TMEM126A: variants seen among roughly 807,000 people sequenced by gnomAD.
The protein encoded by TMEM126A is transmembrane protein 126A, also known as optic atrophy 7.
TMEM126A carries 10 observed loss-of-function variants against 18.3 expected under a neutral mutation model. The ratio of observed to expected loss-of-function variants is 0.55; its 90% CI spans 0.34 to 0.93. The LOEUF (loss-of-function observed/expected upper bound fraction) is 0.93. TMEM126A is among the 40% of genes least tolerant of loss of function. The probability of loss-of-function intolerance (pLI) is 0.02; values close to 1 mark genes in which losing one functional copy is unlikely to be tolerated. For missense variants in TMEM126A, 246 were observed against 230.2 expected (o/e 1.07, Z -0.44); for synonymous variants, 68 against 78.1 (o/e 0.87, Z 0.68).
intron 1 of TMEM126A, among the ~76,000 whole-genome samples, chr11:85,648,994 G>C (rs904887307): frequency 2.4e-4 from 36 of 150,406 alleles, no homozygotes; most frequent in African/African-American, 7.9e-4. Flanking sequence ...GAGTGCAGTG[G>C]CGAGATCTCG....
At chr11:85,649,255 C>T (rs1206164585) in intron 1 of TMEM126A, among the ~76,000 whole-genome samples, 1 of 152,046 alleles carries the variant, frequency 6.6e-6, no homozygotes, top group Admixed American at 6.5e-5. Flanking sequence ...TTAACTGTTA[C>T]CCTGAAACCT....
intron 2 of TMEM126A, among the ~76,000 whole-genome samples, chr11:85,653,201 G>C (rs2082514202): frequency 6.6e-6 from 1 of 152,122 alleles, no homozygotes; most frequent in Non-Finnish European, 1.5e-5. Flanking sequence ...CATACAGTGG[G>C]GTTCTCAATG....
intron 3 of TMEM126A, among the ~76,000 whole-genome samples, chr11:85,654,463 T>C (rs2082523275): frequency 6.6e-6 from 1 of 152,204 alleles, no homozygotes; most frequent in Non-Finnish European, 1.5e-5. Flanking sequence ...TACTTTTTCT[T>C]TAATTGAGAT....
In TMEM126A at chr11:85,650,294, A is replaced by C; in HGVS notation, c.39A>C (p.Thr13=). 6.2e-7 allele frequency: 1 copy of C among 1,608,808 alleles called. No homozygotes were observed. Among genetic ancestry groups the C allele is most frequent in the South Asian group, 1.1e-5 (1 of 90,546 alleles). The change falls in exon 2 of 5, where the codon ACA becomes ACC. Residue 13 remains threonine (T), a synonymous_variant. Coordinates refer to ENST00000304511, the MANE Select transcript of TMEM126A (RefSeq NM_032273.4). The part of the protein sequence containing the change: ...NHKSNNKENI[T]IVDISRKINQ... ...AATCCAATAATAAGGAAAACATAAC[A>C]ATTGTTGATATATCCAGAAAAATTA...
rs749609931 is a variant in TMEM126A, at chr11:85,650,239, GTTTT to G, written c.-7-7_-7-4del. 6.6e-7 allele frequency: 1 copy of G among 1,525,732 alleles called. No homozygotes were observed. Among genetic ancestry groups the G allele is most frequent in the Admixed American group, 1.7e-5 (1 of 58,420 alleles). 94.5% of individuals were successfully genotyped at this position (1,525,732 alleles called of 1,614,324 possible). ...AATTCTTGAGAAATGATATCTTCAT[GTTTT>G]TTAAGGCTCAAAATGGAAAATCATA... is the stretch of plus-strand genomic sequence containing the variant. On this transcript the variant is annotated splice_polypyrimidine_tract_variant and splice_region_variant and intron_variant, in intron 1 of 4. Coordinates refer to ENST00000304511, the MANE Select transcript of TMEM126A (RefSeq NM_032273.4).
Position 85,654,083 on chromosome 11 carries a change from C to T in TMEM126A, c.107C>T (p.Ser36Leu), listed in dbSNP as rs984312982. ...EAERNLLENG[S>L]VYVGLNAALC... ...TTCAGGAATCTACTTGAAAATGGAT[C>T]GGTTTATGTTGGATTAAATGCTGCT... The change falls in exon 3 of 5, where the codon TCG (serine) becomes TTG (leucine). Residue 36 changes from serine (S) to leucine (L), a missense_variant. Ser to Leu is a moderately radical substitution (Grantham distance 145). Coordinates refer to ENST00000304511, the MANE Select transcript of TMEM126A (RefSeq NM_032273.4). 7 of 1,614,010 alleles carry T rather than the reference C, an allele frequency of 4.3e-6. No homozygotes were observed. The highest frequency in any genetic ancestry group is 4.5e-5 in the East Asian group (2 of 44,890).
intron 2 of TMEM126A, among the ~76,000 whole-genome samples, chr11:85,650,818 C>T (rs2082493595): frequency 6.6e-6 from 1 of 151,936 alleles, no homozygotes; most frequent in Non-Finnish European, 1.5e-5. Flanking sequence ...GCCAGTAATC[C>T]CAGCACTTTG....
At chr11:85,651,190 G>A (rs974567512) in intron 2 of TMEM126A, among the ~76,000 whole-genome samples, 1 of 151,424 alleles carries the variant, frequency 6.6e-6, no homozygotes. Flanking sequence ...TGACAGTCAA[G>A]AAGGTCTCTC....
In TMEM126A at chr11:85,651,736, AC is replaced by A. The variant is rs545286541; in HGVS notation, c.86+1402del. ...TTGGTGAGATCTTAAAAGCTCTTTC[AC>A]CCCCCCTCCCCACACTCCAACTCCA... On this transcript the variant is annotated intron_variant, in intron 2 of 4. Transcript: ENST00000304511. Among the ~76,000 whole-genome samples, 17 of 150,994 alleles carry A rather than the reference AC, an allele frequency of 1.1e-4. No individual in the cohort carries two copies. The South Asian group carries it at 3.4e-3, about 30-fold the overall frequency.
intron 2 of TMEM126A, among the ~76,000 whole-genome samples, chr11:85,650,864 G>A (rs1185472299): frequency 6.6e-6 from 1 of 152,032 alleles, no homozygotes; most frequent in Non-Finnish European, 1.5e-5. Flanking sequence ...GAGGTCAGGA[G>A]TTCAGACCAG....
chr11:85,654,688 G>A (rs1350826726), intron 3 of TMEM126A, among the ~76,000 whole-genome samples: 2 of 152,034 alleles, frequency 1.3e-5, no homozygotes, highest in African/African-American at 4.8e-5. Flanking sequence ...CCTGACCTCA[G>A]GTGATCCACC....
chr11:85,654,342 C>G (rs1400804029), intron 3 of TMEM126A, 86 bp downstream of exon 3: 1 of 1,273,136 alleles, frequency 7.9e-7, no homozygotes, highest in Non-Finnish European at 1.1e-6. Flanking sequence ...TATCAAGTAG[C>G]TGTATGCTGT....
At chr11:85,650,058 T>C (rs900491819) in intron 1 of TMEM126A, among the ~76,000 whole-genome samples, 191 bp from the exon 2 acceptor site, 9 of 152,264 alleles carry the variant, frequency 5.9e-5, no homozygotes, top group African/African-American at 9.6e-5. Context: ...TATGAAGATA[T>C]TCTGTATTTC....
At chr11:85,651,148 T>C (rs1193199445) in intron 2 of TMEM126A, among the ~76,000 whole-genome samples, 1 of 150,566 alleles carries the variant, frequency 6.6e-6, no homozygotes, top group African/African-American at 2.4e-5. Flanking sequence ...AGGCAGCTAA[T>C]GTGTACTTCC....
intron 3 of TMEM126A, among the ~76,000 whole-genome samples, chr11:85,655,053 T>C (rs2082527586): frequency 1.3e-5 from 2 of 152,146 alleles, no homozygotes; most frequent in South Asian, 4.1e-4. Flanking sequence ...AAATCTACCA[T>C]GTGTGCTGAA....
rs74692312 is a variant in TMEM126A, at chr11:85,648,938, T to G, written c.-8+849T>G. Among the ~76,000 whole-genome samples, 630 of 148,142 alleles carry G rather than the reference T, an allele frequency of 4.3e-3. 2 individuals are homozygous for G. Among genetic ancestry groups the G allele is most frequent in the Middle Eastern group, 0.01 (3 of 288 alleles). On this transcript the variant is annotated intron_variant, in intron 1 of 4. Transcript: ENST00000304511. ...TCCTTTGTTGTTATCCCTGAACTGTTTTTTTTTTTTTTTTTGTAGACCGAG... is the reference window on the plus strand; with the variant it reads ...TCCTTTGTTGTTATCCCTGAACTGTGTTTTTTTTTTTTTTTGTAGACCGAG...
intron 3 of TMEM126A, among the ~76,000 whole-genome samples, chr11:85,654,764 T>C (rs148508268): frequency 4.8e-4 from 73 of 152,186 alleles, no homozygotes; most frequent in Non-Finnish European, 6.8e-4. Context: ...TACTTCCCTT[T>C]TTCTAACATA....
intron 2 of TMEM126A, among the ~76,000 whole-genome samples, chr11:85,652,132 C>G (rs894228721): frequency 5.9e-5 from 9 of 152,210 alleles, no homozygotes; most frequent in African/African-American, 1.9e-4. Flanking sequence ...CCACTGCACT[C>G]CAGCCTGGGC....
intron 3 of TMEM126A, 35 bp downstream of exon 3, chr11:85,654,291 CTTAGTA>C: frequency 6.2e-7 from 1 of 1,601,778 alleles, no homozygotes; most frequent in Non-Finnish European, 8.5e-7. Context: ...AAGAGTTTGC[CTTAGTA>C]TATGTTATTT....
Sources: gnomAD v4.1 joint callset for allele counts (sites outside exome capture counted in the v4.1 genomes callset) on GRCh38, gnomAD v4.1.1 for gene constraint, MANE v1.5 for transcripts, NCBI Gene and HGNC (gene_info 2026-07-23, HGNC 2026-07-21) for gene names.